Variants in SLC19A2 observed in about 807,000 individuals in gnomAD.
SLC19A2 encodes solute carrier family 19 member 2, also known as thiamine transporter 1.
In SLC19A2, 27 loss-of-function variants were observed where a neutral mutation model predicts 44.7. The observed-to-expected ratio is 0.60, with a 90% confidence interval of 0.45 to 0.83. The LOEUF is 0.83. Ranked by LOEUF, SLC19A2 falls within the 40% of genes least tolerant of loss-of-function variation. The probability of loss-of-function intolerance (pLI) is 0.00; values close to 1 mark genes in which losing one functional copy is unlikely to be tolerated. For missense variants in SLC19A2, 566 were observed against 613.7 expected, an observed-to-expected ratio of 0.92 and a Z score of 0.82; for synonymous variants, 239 against 243.6, an observed-to-expected ratio of 0.98 and a Z score of 0.18.
chr1:169,478,064 G>A (rs554161777), intron 1 of SLC19A2, among the ~76,000 whole-genome samples: 34 of 151,996 alleles, frequency 2.2e-4, no homozygotes, highest in African/African-American at 3.9e-4. Context: ...CCACCATCAC[G>A]CCTGGCTAAT....
At chr1:169,479,409 T>A (rs1410537610) in intron 1 of SLC19A2, among the ~76,000 whole-genome samples, 2 of 152,250 alleles carry the variant, frequency 1.3e-5, no homozygotes, top group Non-Finnish European at 2.9e-5. Context: ...TAAAATAAAC[T>A]TTAAACCAGA....
At chr1:169,473,549 G>A (rs2101778120) in intron 2 of SLC19A2, among the ~76,000 whole-genome samples, 1 of 152,016 alleles carries the variant, frequency 6.6e-6, no homozygotes, top group South Asian at 2.1e-4. Context: ...CCCAGCCTGA[G>A]TTGGAAAGTT....
rs142973945 is a variant in SLC19A2, at chr1:169,473,866, T to C, written c.807+3289A>G. Among the ~76,000 whole-genome samples, 6 of 151,366 alleles carry C rather than the reference T, an allele frequency of 4.0e-5. No individual in the cohort carries two copies. In the East Asian group the frequency reaches 9.9e-4, roughly 25 times the overall value. ...ACAGAGCTGTTCCGGATTATTCACG[T>C]GTAATGATAATGATAATAGTAATAA... On this transcript the variant is annotated intron_variant, in intron 2 of 5. Coordinates refer to ENST00000236137, the MANE Select transcript of SLC19A2 (RefSeq NM_006996.3).
rs1351692845 is a variant in SLC19A2, at chr1:169,470,085, G to C, written c.909C>G (p.Ala303=). Residue 303 remains alanine (A), a synonymous_variant, in exon 3 of 6, where the codon GCC becomes GCG. Coordinates refer to ENST00000236137, the MANE Select transcript of SLC19A2 (RefSeq NM_006996.3). ...RPLLCWSVWW[A]LSTCGYFQVV... is the part of the protein sequence containing the mutation. ...CTTGAAAATAGCCACAGGTAGAGAGGGCCCACCACACAGACCAGCAGAGAA... is the reference window on the plus strand; with the variant it reads ...CTTGAAAATAGCCACAGGTAGAGAGCGCCCACCACACAGACCAGCAGAGAA... 10 of 1,613,852 alleles carry C rather than the reference G, an allele frequency of 6.2e-6. No homozygotes were observed. The highest frequency in any genetic ancestry group is 1.3e-5 in the African/African-American group (1 of 74,868).
intron 1 of SLC19A2, among the ~76,000 whole-genome samples, chr1:169,482,639 T>G (rs1658467327): frequency 6.6e-6 from 1 of 152,170 alleles, no homozygotes; most frequent in African/African-American, 2.4e-5. Flanking sequence ...AAATACAGGG[T>G]TGTTTCTTCA....
Position 169,485,587 on chromosome 1 carries a change from C to A in SLC19A2, c.180G>T (p.Pro60=), listed in dbSNP as rs1198335067. The A allele has an allele frequency of 6.3e-7, 1 of 1,586,690 alleles. No homozygotes were observed. The highest frequency in any genetic ancestry group is 1.1e-5 in the South Asian group (1 of 87,178). ...CCTCCCTCTCGGTCAGGTTCTTGTC[C>A]GGCCCCAGCAGGTACGGGGTCAGGA... ...EPFLTPYLLG[P]DKNLTEREVF... is the part of the protein sequence containing the mutation. The change falls in exon 1 of 6, where the codon CCG becomes CCT. Residue 60 remains proline, a synonymous_variant. Transcript: ENST00000236137.
In SLC19A2 at chr1:169,465,622, G is replaced by A. The variant is rs77864015; in HGVS notation, c.*227C>T. On this transcript the variant is annotated 3_prime_UTR_variant, in exon 6 of 6. Coordinates refer to ENST00000236137, the MANE Select transcript of SLC19A2 (RefSeq NM_006996.3). ...AGTTCACTTTTGAATCAGAAAAAAA[G>A]TCATCCTTAAATTAGCTCTCATAAA... is the stretch of plus-strand genomic sequence containing the variant. The A allele has an allele frequency of 7.5e-6, 4 of 533,548 alleles. No homozygotes were observed. The highest frequency in any genetic ancestry group is 6.8e-5 in the East Asian group (2 of 29,248). The allele number at this position is 533,548 out of a possible 1,614,324, so 33.1% of individuals were successfully genotyped here.
intron 5 of SLC19A2, among the ~76,000 whole-genome samples, 161 bp from the exon 6 acceptor site, chr1:169,466,138 C>G (rs1657981047): frequency 6.6e-6 from 1 of 152,174 alleles, no homozygotes; most frequent in African/African-American, 2.4e-5. Flanking sequence ...CACGGTGGTA[C>G]TAAATAAAGC....
intron 2 of SLC19A2, among the ~76,000 whole-genome samples, chr1:169,476,141 A>AT (rs932624150): frequency 6.8e-6 from 1 of 147,888 alleles, no homozygotes; most frequent in Admixed American, 7.1e-5. Flanking sequence ...ACACTTGAAT[A>AT]TTTAAAAAAA....
Position 169,485,632 on chromosome 1 carries a change from G to C in SLC19A2, c.135C>G (p.Ser45Arg). 1 of 1,563,798 alleles carries C rather than the reference G, an allele frequency of 6.4e-7. No homozygotes were observed. Among genetic ancestry groups the C allele is most frequent in the Non-Finnish European group, 8.7e-7 (1 of 1,154,526 alleles). The change falls in exon 1 of 6, where the codon AGC (serine) becomes AGG (arginine). Residue 45 changes from serine to arginine, a missense_variant. Transcript: ENST00000236137. ...TCAGGAAGGGCTCGGACGGCCTGAG[G>C]CTGGCGAAGAAGCCGTAGGCGCAGA... ...ALLCAYGFFASLRPSEPFLTP... is the reference protein window; with the variant it reads ...ALLCAYGFFARLRPSEPFLTP...
In SLC19A2 at chr1:169,469,949, T is replaced by A. The variant is rs756618383; in HGVS notation, c.1030+15A>T. 5 of 1,610,502 alleles carry A rather than the reference T, an allele frequency of 3.1e-6. No individual in the cohort carries two copies. The Admixed American group carries it at 8.3e-5, about 27-fold the overall frequency. ...CCTCCCCCACCACGACCCTCTATTA[T>A]CCTGCATTGCTTACCCAGTAAGGTT... On this transcript the variant is annotated intron_variant, in intron 3 of 5. Coordinates refer to ENST00000236137, the MANE Select transcript of SLC19A2 (RefSeq NM_006996.3).
intron 1 of SLC19A2, among the ~76,000 whole-genome samples, chr1:169,481,780 A>G (rs1312377699): frequency 6.6e-6 from 1 of 152,248 alleles, no homozygotes; most frequent in Non-Finnish European, 1.5e-5. Context: ...AAGTCAAGGG[A>G]AAACAGATGT....
At chr1:169,468,906 G>T in intron 3 of SLC19A2, 70 bp from the exon 4 acceptor site, 2 of 1,394,554 alleles carry the variant, frequency 1.4e-6, no homozygotes, top group South Asian at 2.4e-5. Context: ...TAAAAACTCA[G>T]CTTAGATTAT....
chr1:169,485,448 A>T, intron 1 of SLC19A2, 115 bp downstream of exon 1: 1 of 1,235,078 alleles, frequency 8.1e-7, no homozygotes, highest in South Asian at 1.3e-5. Flanking sequence ...AACTGGCAAA[A>T]TCAGAAATCT....
intron 2 of SLC19A2, among the ~76,000 whole-genome samples, chr1:169,471,848 G>C (rs890014323): frequency 6.6e-6 from 1 of 151,984 alleles, no homozygotes; most frequent in East Asian, 1.9e-4. Context: ...CTGAGAATCC[G>C]AGTTTCATCG....
intron 5 of SLC19A2, 54 bp from the exon 6 acceptor site, chr1:169,466,031 A>G (rs962949578): frequency 6.9e-6 from 11 of 1,600,298 alleles, no homozygotes; most frequent in African/African-American, 6.7e-5. Context: ...GGATTACTCT[A>G]TAATAAAGTA....
At chr1:169,472,504 G>C (rs1293009307) in intron 2 of SLC19A2, among the ~76,000 whole-genome samples, 11 of 152,088 alleles carry the variant, frequency 7.2e-5, no homozygotes, top group African/African-American at 1.2e-4. Flanking sequence ...ATCCACAAAA[G>C]ATTATACAGA....
chr1:169,467,653 T>C (rs1482580311), intron 5 of SLC19A2, among the ~76,000 whole-genome samples: 2 of 152,180 alleles, frequency 1.3e-5, no homozygotes, highest in African/African-American at 4.8e-5. Flanking sequence ...TTACAAATCA[T>C]AATGTTGTTC....
chr1:169,477,383 G>A lies in SLC19A2; in HGVS notation c.579C>T (p.Ile193=), dbSNP rs749821754. 4.3e-6 allele frequency: 7 copies of A among 1,614,064 alleles called. No individual in the cohort carries two copies. The African/African-American group carries it at 5.3e-5, about 12-fold the overall frequency. Residue 193 remains isoleucine (I), a synonymous_variant, in exon 2 of 6, where the codon ATC becomes ATT. Transcript: ENST00000236137. ...AAGCCACTGAAACACAGGTAAGAGA[G>A]ATGACATTCAGGCTGAACAGCGACC... The part of the protein sequence containing the change: ...AGWSLFSLNV[I]SLTCVSVAFA...
Sources: allele counts gnomAD v4.1 joint callset (sites outside exome capture counted in the v4.1 genomes callset), GRCh38; gene constraint gnomAD v4.1.1; transcripts MANE v1.5; gene names NCBI Gene and HGNC (gene_info 2026-07-23, HGNC 2026-07-21).